URI1: variants seen among roughly 807,000 people sequenced by gnomAD.
URI1 encodes URI1 prefoldin like chaperone.
A neutral mutation model predicts 60.2 loss-of-function variants in URI1; 39 were observed. That is an observed-to-expected ratio of 0.65 (90% CI 0.50 to 0.85). The LOEUF (loss-of-function observed/expected upper bound fraction) is 0.85, where lower values mean the gene tolerates loss of function less well. Ranked by LOEUF, URI1 falls within the 40% of genes least tolerant of loss-of-function variation. URI1 has a pLI of 0.00. For synonymous variants in URI1, 251 were observed against 236.8 expected (o/e 1.06, Z -0.55); for missense variants, 691 against 665.9 (o/e 1.04, Z -0.42).
intron 1 of URI1, among the ~76,000 whole-genome samples, chr19:29,924,750 G>T (rs1253064315): frequency 6.6e-6 from 1 of 152,232 alleles, no homozygotes; most frequent in Non-Finnish European, 1.5e-5. Context: ...CCGGGGTGGG[G>T]CTCCACTGCT....
intron 1 of URI1, among the ~76,000 whole-genome samples, chr19:29,958,558 G>A (rs1470580869): frequency 6.6e-6 from 1 of 152,130 alleles, no homozygotes; most frequent in Non-Finnish European, 1.5e-5. Context: ...TGTTTACCTT[G>A]TTGTATATTG....
intron 1 of URI1, among the ~76,000 whole-genome samples, chr19:29,934,004 C>T (rs563816364): frequency 7.4e-5 from 10 of 135,882 alleles, no homozygotes; most frequent in South Asian, 2.4e-4. Context: ...GGTGCCATCT[C>T]GGCTCAGTGC....
chr19:29,926,835 G>A (rs2054872393), intron 1 of URI1, among the ~76,000 whole-genome samples: 1 of 152,206 alleles, frequency 6.6e-6, no homozygotes. Context: ...AGCAAGGGAT[G>A]GGGGTTGGGA....
At chr19:29,971,077 A>T (rs2055453562) in intron 1 of URI1, 116 bp from the exon 2 acceptor site, 1 of 949,448 alleles carries the variant, frequency 1.1e-6, no homozygotes, top group South Asian at 1.4e-5. Flanking sequence ...ATAAAAATGT[A>T]TACTGAGATG....
chr19:29,935,743 T>C (rs2054964934), intron 1 of URI1, among the ~76,000 whole-genome samples: 1 of 146,426 alleles, frequency 6.8e-6, no homozygotes, highest in South Asian at 2.3e-4. Flanking sequence ...GTTATTCCAC[T>C]GCCTCTGGGC....
chr19:29,959,110 T>C (rs969425958), intron 1 of URI1, among the ~76,000 whole-genome samples: 1 of 152,186 alleles, frequency 6.6e-6, no homozygotes, highest in Non-Finnish European at 1.5e-5. Context: ...ACTGTTGTTA[T>C]TGGTTTTTGT....
At chr19:30,007,752 G>A (rs1025682554) in intron 7 of URI1, 114 bp downstream of exon 7, 2 of 856,578 alleles carry the variant, frequency 2.3e-6, no homozygotes, top group Admixed American at 3.3e-5. Context: ...ATGCAGGGAA[G>A]CATAATATAT....
rs1260948594 is a variant in URI1, at chr19:30,015,075, G to A, written c.*6G>A. 2 of 1,608,350 alleles carry A rather than the reference G, an allele frequency of 1.2e-6. No individual in the cohort carries two copies. Among genetic ancestry groups the A allele is most frequent in the Admixed American group, 3.4e-5 (2 of 58,450 alleles). On this transcript the variant is annotated 3_prime_UTR_variant, in exon 11 of 11. Transcript: ENST00000392271. ...GATTGCAACAGAAAGACTAGGCCCT[G>A]TCTAGGAAATGGGAATTTACATCCT...
chr19:29,939,256 C>T (rs1044950589), upstream of URI1, among the ~76,000 whole-genome samples: 10 of 151,288 alleles, frequency 6.6e-5, no homozygotes, highest in African/African-American at 1.7e-4. Context: ...GGATTACAGG[C>T]GTGAGCCACT....
At position 30,015,579 on chromosome 19, in the gene URI1, ATGTCATAC is replaced by A. The variant is rs750159672; in HGVS notation, c.*514_*521del. The A allele has an allele frequency of 6.5e-7, 1 of 1,533,712 alleles. No individual in the cohort carries two copies. Among genetic ancestry groups the A allele is most frequent in the South Asian group, 1.2e-5 (1 of 83,714 alleles). On this transcript the variant is annotated 3_prime_UTR_variant, in exon 11 of 11. Coordinates refer to ENST00000392271, the MANE Select transcript of URI1 (RefSeq NM_003796.3). ...TATTCAAGAAACCTCGCCCCTCTGA[ATGTCATAC>A]TGTAATCTTTAAGGAAGAAAGCTAC...
Position 29,950,752 on chromosome 19 carries a change from C to G in URI1, c.117+8088C>G, listed in dbSNP as rs189704482. ...TTTTCTCAGTTTTTCTAAAAATGTC[C>G]TTTATAACTCTCTTTCAATGCAAGA... On this transcript the variant is annotated intron_variant, in intron 1 of 10. Coordinates refer to ENST00000392271, the MANE Select transcript of URI1 (RefSeq NM_003796.3). Among the ~76,000 whole-genome samples the G allele has an allele frequency of 4.6e-5, 7 of 152,200 alleles. No individual in the cohort carries two copies. In the East Asian group the frequency reaches 1.4e-3, roughly 29 times the overall value.
chr19:29,942,232 G>A (rs2055034742), upstream of URI1: 30 of 984,720 alleles, frequency 3.0e-5, no homozygotes, highest in Non-Finnish European at 3.5e-5. Flanking sequence ...GCCGCGAGAG[G>A]CGGGGCGTGT....
In URI1 at chr19:29,942,285, C is replaced by T. The variant is rs557414557; in HGVS notation, c.-263C>T. The T allele has an allele frequency of 4.8e-5, 47 of 985,104 alleles. No individual in the cohort carries two copies. The South Asian group carries it at 1.9e-3, about 39-fold the overall frequency. The allele number at this position is 985,104 out of a possible 1,614,324, so 61.0% of individuals were successfully genotyped here. A position where few individuals can be genotyped will look rare whatever the true frequency, so the allele number is the denominator to read the frequency against. On this transcript the variant is annotated 5_prime_UTR_variant, in exon 1 of 11. Coordinates refer to ENST00000392271, the MANE Select transcript of URI1 (RefSeq NM_003796.3). ...ACGCGACGCCTGGCTGGGCCCGCAC[C>T]GGAGAGGCGTCTCGGTACCTGGCAG...
At chr19:29,951,226 C>G (rs1307612044) in intron 1 of URI1, among the ~76,000 whole-genome samples, 1 of 152,204 alleles carries the variant, frequency 6.6e-6, no homozygotes, top group East Asian at 1.9e-4. Flanking sequence ...GATGTCAAGT[C>G]TCTCCATCAT....
At chr19:29,968,565 CTTTTTTTTTTTTTTTTT>C in intron 1 of URI1, among the ~76,000 whole-genome samples, 1 of 74,400 alleles carries the variant, frequency 1.3e-5, no homozygotes, top group Admixed American at 2.0e-4. Context: ...CTAATTTTTT[CTTTTTTTTTTTTTTTTT>C]TTTTTTTGAG....
chr19:29,983,080 G>A (rs780103118), intron 2 of URI1, among the ~76,000 whole-genome samples: 1 of 152,158 alleles, frequency 6.6e-6, no homozygotes, highest in Non-Finnish European at 1.5e-5. Context: ...AATTTTCCAG[G>A]AGGAGGATTT....
chr19:29,941,912 G>A (rs1038456337), upstream of URI1, among the ~76,000 whole-genome samples: 1 of 151,886 alleles, frequency 6.6e-6, no homozygotes, highest in Non-Finnish European at 1.5e-5. Flanking sequence ...GGAGGGAGAT[G>A]GGGCACTCAA....
At chr19:29,950,607 C>T (rs1365015421) in intron 1 of URI1, among the ~76,000 whole-genome samples, 5 of 152,110 alleles carry the variant, frequency 3.3e-5, no homozygotes, top group Admixed American at 2.6e-4. Flanking sequence ...AAGTGAATTG[C>T]AGACATCATC....
intron 2 of URI1, among the ~76,000 whole-genome samples, chr19:29,978,392 G>T (rs2055551987): frequency 2.0e-5 from 3 of 149,660 alleles, no homozygotes; most frequent in Admixed American, 2.0e-4. Context: ...CTGAGGCAAA[G>T]GGCTTAGGGC....
Sources: gnomAD v4.1 joint callset for allele counts (sites outside exome capture counted in the v4.1 genomes callset) on GRCh38, gnomAD v4.1.1 for gene constraint, MANE v1.5 for transcripts, NCBI Gene and HGNC (gene_info 2026-07-23, HGNC 2026-07-21) for gene names.